The following HS3ST3B1 variants were observed in gnomAD, a reference collection of about 807,000 sequenced individuals.
The protein encoded by HS3ST3B1 is heparan sulfate glucosamine 3-O-sulfotransferase 3B1.
In HS3ST3B1, 13 loss-of-function variants were observed where a neutral mutation model predicts 21.3. The observed-to-expected ratio is 0.61, with a 90% confidence interval of 0.40 to 0.97. HS3ST3B1 has a LOEUF of 0.97. Among genes scored for constraint, HS3ST3B1 ranks in the 50% least tolerant of loss-of-function variants. The pLI is 0.00. For missense variants in HS3ST3B1, 459 were observed against 554.8 expected, an observed-to-expected ratio of 0.83 and a Z score of 1.73; for synonymous variants, 234 against 254.8, an observed-to-expected ratio of 0.92 and a Z score of 0.78.
At position 14,326,947 on chromosome 17, in the gene HS3ST3B1, G is replaced by T. The variant is rs151195481; in HGVS notation, c.555-18081G>T. 7.9e-3 allele frequency among the ~76,000 whole-genome samples: 934 copies of T among 117,720 alleles called. 10 individuals carry two copies. Among genetic ancestry groups the T allele is most frequent in the South Asian group, 0.042 (153 of 3,636 alleles). 77.2% of individuals were successfully genotyped at this position (117,720 alleles called of 152,430 possible). On this transcript the variant is annotated intron_variant, in intron 1 of 1. Transcript: ENST00000360954. Reference sequence around the variant, plus strand: ...AAAAAAAAAAAAAAAAAAAAAAAAAGAAGAAGAAGAAGAAGCTTCAGTTGT... The same window carrying T: ...AAAAAAAAAAAAAAAAAAAAAAAAATAAGAAGAAGAAGAAGCTTCAGTTGT...
rs1750601943 is a variant in HS3ST3B1, at chr17:14,301,226, C to G, written c.-293C>G. 1 of 456,960 alleles carries G rather than the reference C, an allele frequency of 2.2e-6. No homozygotes were observed. Among genetic ancestry groups the G allele is most frequent in the Non-Finnish European group, 3.8e-6 (1 of 260,588 alleles). The allele number at this position is 456,960 out of a possible 1,614,324, so 28.3% of individuals were successfully genotyped here. A position where few individuals can be genotyped will look rare whatever the true frequency, so the allele number is the denominator to read the frequency against. On this transcript the variant is annotated 5_prime_UTR_variant, in exon 1 of 2. Coordinates refer to ENST00000360954, the MANE Select transcript of HS3ST3B1 (RefSeq NM_006041.3). ...CGAGAGTGCAACGTCCTCCTGGCCC[C>G]GAGCGCGTCGTCGCGCCCCGGGAGC...
chr17:14,309,109 G>T (rs1199614703), intron 1 of HS3ST3B1, among the ~76,000 whole-genome samples: 1 of 152,218 alleles, frequency 6.6e-6, no homozygotes, highest in African/African-American at 2.4e-5. Flanking sequence ...CGCTCCTTTC[G>T]GGAGCTAGGG....
chr17:14,318,377 C>G (rs1909563448), intron 1 of HS3ST3B1, among the ~76,000 whole-genome samples: 1 of 152,180 alleles, frequency 6.6e-6, no homozygotes, highest in Non-Finnish European at 1.5e-5. Context: ...CCACGGCTCT[C>G]TGGCTCAACC....
rs1466509600 is a variant in HS3ST3B1, at chr17:14,345,831, TTAACTC to T, written c.*188_*193del. On this transcript the variant is annotated 3_prime_UTR_variant, in exon 2 of 2. Coordinates refer to ENST00000360954, the MANE Select transcript of HS3ST3B1 (RefSeq NM_006041.3). ...ATAATCTGTTAACATTCCAAAGTGT[TTAACTC>T]TAGTATTTCGTTCTCTTCTTCACAA... 13 of 750,730 alleles carry T rather than the reference TTAACTC, an allele frequency of 1.7e-5. No homozygotes were observed. Among genetic ancestry groups the T allele is most frequent in the Middle Eastern group, 3.9e-4 (1 of 2,532 alleles). The allele number at this position is 750,730 out of a possible 1,614,324, so 46.5% of individuals were successfully genotyped here. A position where few individuals can be genotyped will look rare whatever the true frequency, so the allele number is the denominator to read the frequency against.
In HS3ST3B1 at chr17:14,301,672, G is replaced by T. The variant is rs746030450; in HGVS notation, c.154G>T (p.Ala52Ser). Residue 52 changes from alanine (A) to serine (S), a missense_variant, in exon 1 of 2, where the codon GCC (alanine) becomes TCC (serine). Transcript: ENST00000360954. Reference protein sequence around the residue: ...VWLYMFLYSCAGSCAAAPGLL... With the variant: ...VWLYMFLYSCSGSCAAAPGLL... ...GCTCTATATGTTCCTGTACTCGTGC[G>T]CCGGCTCCTGCGCCGCCGCGCCGGG... The T allele has an allele frequency of 6.2e-7, 1 of 1,602,248 alleles. No homozygotes were observed.
At chr17:14,342,704 A>G (rs181378013) in intron 1 of HS3ST3B1, among the ~76,000 whole-genome samples, 62 of 152,220 alleles carry the variant, frequency 4.1e-4, no homozygotes, top group Non-Finnish European at 7.3e-4. Flanking sequence ...AAAGACGCCC[A>G]GAAAAGTTAA....
chr17:14,329,293 TAAAGAAAG>T (rs1235682605), intron 1 of HS3ST3B1: 1 of 109,144 alleles, frequency 9.2e-6, no homozygotes, highest in Non-Finnish European at 2.1e-5. Flanking sequence ...CATGAGGAAA[TAAAGAAAG>T]AAAGAGAGAA....
At position 14,325,130 on chromosome 17, in the gene HS3ST3B1, T is replaced by G. The variant is rs190660251; in HGVS notation, c.555-19898T>G. ...CAAGCTGTTTGCTGAAAGGGAACCA[T>G]GACTGTTCTTGGTATTAAGCCGAGG... On this transcript the variant is annotated intron_variant, in intron 1 of 1. Coordinates refer to ENST00000360954, the MANE Select transcript of HS3ST3B1 (RefSeq NM_006041.3). 1.8e-4 allele frequency among the ~76,000 whole-genome samples: 28 copies of G among 152,334 alleles called. No individual in the cohort carries two copies. In the East Asian group the frequency reaches 4.8e-3, roughly 26 times the overall value.
chr17:14,342,258 C>A (rs1275110048), intron 1 of HS3ST3B1, among the ~76,000 whole-genome samples: 1 of 150,838 alleles, frequency 6.6e-6, no homozygotes, highest in Non-Finnish European at 1.5e-5. Context: ...TTTTTTTTTC[C>A]TTTTAATTCC....
intron 1 of HS3ST3B1, among the ~76,000 whole-genome samples, chr17:14,311,292 T>C (rs1004147170): frequency 2.0e-5 from 3 of 150,490 alleles, no homozygotes; most frequent in Admixed American, 1.3e-4. Context: ...TAACCCAGGC[T>C]GGTCTCAAAC....
chr17:14,311,249 A>C (rs940611401), intron 1 of HS3ST3B1, among the ~76,000 whole-genome samples: 5 of 143,442 alleles, frequency 3.5e-5, no homozygotes, highest in Non-Finnish European at 7.7e-5. Flanking sequence ...AAAAAAAAAA[A>C]AAAAAAACTG....
chr17:14,344,379 A>C (rs1318680124), intron 1 of HS3ST3B1, among the ~76,000 whole-genome samples: 1 of 152,082 alleles, frequency 6.6e-6, no homozygotes, highest in East Asian at 1.9e-4. Flanking sequence ...GTATTTTTGG[A>C]GGCTTCTAGA....
intron 1 of HS3ST3B1, among the ~76,000 whole-genome samples, chr17:14,326,678 G>A (rs776114126): frequency 3.3e-5 from 5 of 152,146 alleles, no homozygotes; most frequent in Middle Eastern, 3.4e-3. Context: ...CAGCAGTTTG[G>A]GAGGCCGAGG....
In HS3ST3B1 at chr17:14,345,786, C is replaced by A; in HGVS notation, c.*140C>A. On this transcript the variant is annotated 3_prime_UTR_variant, in exon 2 of 2. Transcript: ENST00000360954. ...TAATTCACTAAGCTGCCTAGCCACA[C>A]TCTTTAGAGAGTTAGCTTCATAATC... The A allele has an allele frequency of 1.8e-6, 2 of 1,083,512 alleles. No homozygotes were observed. Among genetic ancestry groups the A allele is most frequent in the Non-Finnish European group, 2.6e-6 (2 of 778,794 alleles). The allele number at this position is 1,083,512 out of a possible 1,614,324, so 67.1% of individuals were successfully genotyped here. A position where few individuals can be genotyped will look rare whatever the true frequency, so the allele number is the denominator to read the frequency against.
rs544600103 is a variant in HS3ST3B1 at position 14,303,198 on chromosome 17, G to T, written c.554+1126G>T. Reference sequence around the variant, plus strand: ...CACATTTTCGTTGGGGTCTCCACCCGTAACCCCAGCCAGCACGACATTCAG... The same window carrying T: ...CACATTTTCGTTGGGGTCTCCACCCTTAACCCCAGCCAGCACGACATTCAG... On this transcript the variant is annotated intron_variant, in intron 1 of 1. Transcript: ENST00000360954. The surrounding 1 kb of genome is among the most constrained non-coding windows in gnomAD (Gnocchi z 5.7). 6.6e-6 allele frequency among the ~76,000 whole-genome samples: 1 copy of T among 152,102 alleles called. No individual in the cohort carries two copies. The highest frequency in any genetic ancestry group is 1.5e-5 in the Non-Finnish European group (1 of 67,998).
At position 14,347,641 on chromosome 17, in the gene HS3ST3B1, C is replaced by T. The variant is rs1003696756; in HGVS notation, c.*1995C>T. ...GAAACTGATCAGAGATGTCACTGGT[C>T]TTTAAGTGATGTCTTGAAAATCCAG... On this transcript the variant is annotated 3_prime_UTR_variant, in exon 2 of 2. Coordinates refer to ENST00000360954, the MANE Select transcript of HS3ST3B1 (RefSeq NM_006041.3). 2 of 152,186 alleles carry T rather than the reference C, an allele frequency of 1.3e-5. No individual in the cohort carries two copies. The highest frequency in any genetic ancestry group is 4.8e-5 in the African/African-American group (2 of 41,446). 9.4% of individuals were successfully genotyped at this position (152,186 alleles called of 1,614,324 possible). A position where few individuals can be genotyped will look rare whatever the true frequency, so the allele number is the denominator to read the frequency against.
At chr17:14,321,524 G>T (rs1051940873) in intron 1 of HS3ST3B1, among the ~76,000 whole-genome samples, 3 of 152,138 alleles carry the variant, frequency 2.0e-5, no homozygotes, top group African/African-American at 7.2e-5. Flanking sequence ...ATAGCCCTGG[G>T]TCGGTTCGTG....
chr17:14,319,048 G>A (rs991916257), intron 1 of HS3ST3B1, among the ~76,000 whole-genome samples: 6 of 152,186 alleles, frequency 3.9e-5, no homozygotes, highest in African/African-American at 1.4e-4. Flanking sequence ...TGGTTGATCA[G>A]CCTCCAGATG....
intron 1 of HS3ST3B1, among the ~76,000 whole-genome samples, chr17:14,306,113 T>G (rs746953253): frequency 3.3e-5 from 5 of 152,198 alleles, no homozygotes; most frequent in Admixed American, 6.5e-5. Flanking sequence ...CTTTCTGACA[T>G]GCCTTTAGTG....
Sources: allele counts gnomAD v4.1 joint callset (sites outside exome capture counted in the v4.1 genomes callset), GRCh38; gene constraint gnomAD v4.1.1; non-coding constraint Gnocchi (gnomAD v3.1); transcripts MANE v1.5; gene names NCBI Gene and HGNC (gene_info 2026-07-23, HGNC 2026-07-21).